LRRC2: variants seen among roughly 807,000 people sequenced by gnomAD.
The protein encoded by LRRC2 is leucine-rich repeat-containing protein 2.
LRRC2 carries 27 observed loss-of-function variants against 40.2 expected under a neutral mutation model. The observed-to-expected ratio is 0.67, with a 90% CI of 0.49 to 0.93. The LOEUF is 0.93. LRRC2 is among the 40% of genes least tolerant of loss of function. The pLI, the probability that LRRC2 is intolerant of heterozygous loss-of-function variation, is 0.00. For synonymous variants in LRRC2, 147 were observed against 158.9 expected, an observed-to-expected ratio of 0.92 and a Z score of 0.56; for missense variants, 402 against 439.6, an observed-to-expected ratio of 0.91 and a Z score of 0.76.
At chr3:46,555,564 A>G (rs921126851) in intron 1 of LRRC2, among the ~76,000 whole-genome samples, 1 of 152,044 alleles carries the variant, frequency 6.6e-6, no homozygotes, top group Non-Finnish European at 1.5e-5. Flanking sequence ...ATTATTATAC[A>G]TACTTACTTT....
At position 46,551,476 on chromosome 3, in the gene LRRC2, G is replaced by A. The variant is rs1262617336; in HGVS notation, c.116C>T (p.Ala39Val). 3.7e-6 allele frequency: 6 copies of A among 1,612,628 alleles called. 1 individual carries two copies. In the South Asian group the frequency reaches 5.5e-5, roughly 15 times the overall value. Residue 39 changes from alanine to valine, a missense_variant, in exon 2 of 9, where the codon GCC (alanine) becomes GTC (valine). Transcript: ENST00000395905. The part of the protein sequence containing the change: ...KKEVERLEKS[A>V]LEKIKEEWNF... ...TTGAGAAAACACGTACTTCTCCAAG[G>A]CGCTCTTCTCAAGCCTTTCCACCTC...
intron 7 of LRRC2, among the ~76,000 whole-genome samples, chr3:46,523,054 C>T (rs1258322499): frequency 6.6e-6 from 1 of 151,932 alleles, no homozygotes; most frequent in Non-Finnish European, 1.5e-5. Context: ...TATATATTTC[C>T]CACTTCATTT....
intron 1 of LRRC2, among the ~76,000 whole-genome samples, chr3:46,565,345 G>A (rs1438636565): frequency 5.3e-5 from 8 of 152,196 alleles, no homozygotes; most frequent in African/African-American, 1.9e-4. Flanking sequence ...TGAGCTCACA[G>A]GTTGGCGAGA....
Position 46,534,225 on chromosome 3 carries a change from G to A in LRRC2, c.491-1316C>T, listed in dbSNP as rs115419556. Among the ~76,000 whole-genome samples the A allele has an allele frequency of 5.4e-3, 823 of 152,154 alleles. 8 individuals are homozygous for A. Among genetic ancestry groups the A allele is most frequent in the African/African-American group, 0.018 (765 of 41,490 alleles). ...AGTTTGGTGAGAATGATGGCTTCCA[G>A]CATCATCCATGTCTCTGCAAAGGAC... is the stretch of plus-strand genomic sequence containing the variant. On this transcript the variant is annotated intron_variant, in intron 4 of 8. Transcript: ENST00000395905.
chr3:46,532,465 C>T (rs540345104), intron 5 of LRRC2, among the ~76,000 whole-genome samples: 2 of 152,148 alleles, frequency 1.3e-5, no homozygotes, highest in South Asian at 4.2e-4. Flanking sequence ...ATTAGCCAGA[C>T]GTGGTGGTGT....
At chr3:46,524,235 C>T (rs1439930596) in intron 7 of LRRC2, among the ~76,000 whole-genome samples, 1 of 152,186 alleles carries the variant, frequency 6.6e-6, no homozygotes, top group Non-Finnish European at 1.5e-5. Context: ...ACCGGCCTCA[C>T]TGTGGGTGAT....
chr3:46,556,683 A>G (rs1704805883), intron 1 of LRRC2, among the ~76,000 whole-genome samples: 1 of 150,838 alleles, frequency 6.6e-6, no homozygotes, highest in South Asian at 2.1e-4. Flanking sequence ...GGTTCAAGCA[A>G]TTCTCCTGCC....
At chr3:46,562,527 TA>T (rs1473670870) in intron 1 of LRRC2, among the ~76,000 whole-genome samples, 1 of 152,210 alleles carries the variant, frequency 6.6e-6, no homozygotes, top group African/African-American at 2.4e-5. Flanking sequence ...AAAGACACTT[TA>T]AAAATCAGTC....
chr3:46,551,471 C>G lies in LRRC2; in HGVS notation c.121G>C (p.Glu41Gln). ...CTAGGTTGAGAAAACACGTACTTCT[C>G]CAAGGCGCTCTTCTCAAGCCTTTCC... The part of the protein sequence containing the change: ...EVERLEKSAL[E>Q]KIKEEWNFVA... The change falls in exon 2 of 9, where the codon GAG (glutamate) becomes CAG (glutamine). Residue 41 changes from glutamate (E) to glutamine (Q), a missense_variant. Physicochemically the swap from Glu to Gln is conservative, Grantham distance 29 (BLOSUM62 2). Coordinates refer to ENST00000395905, the MANE Select transcript of LRRC2 (RefSeq NM_024512.5). 6.2e-7 allele frequency: 1 copy of G among 1,612,580 alleles called. No homozygotes were observed. The highest frequency in any genetic ancestry group is 8.5e-7 in the Non-Finnish European group (1 of 1,179,476).
Position 46,518,915 on chromosome 3 carries a change from G to C in LRRC2, c.*99C>G. The C allele has an allele frequency of 2.3e-6, 2 of 869,874 alleles. No individual in the cohort carries two copies. The highest frequency in any genetic ancestry group is 2.4e-5 in the East Asian group (1 of 41,074). 53.9% of individuals were successfully genotyped at this position (869,874 alleles called of 1,614,324 possible). A position where few individuals can be genotyped will look rare whatever the true frequency, so the allele number is the denominator to read the frequency against. ...ACTATGATAGTGGTTTCTAGACTTT[G>C]TCCTTAAGCACAAGCCATTCTTCCT... is the stretch of plus-strand genomic sequence containing the variant. On this transcript the variant is annotated 3_prime_UTR_variant, in exon 9 of 9. Transcript: ENST00000395905.
At chr3:46,565,626 C>T (rs1705040797) in intron 1 of LRRC2, among the ~76,000 whole-genome samples, 1 of 152,160 alleles carries the variant, frequency 6.6e-6, no homozygotes, top group Admixed American at 6.5e-5. Context: ...GAGCTAGCAA[C>T]AGGGCAGAGC....
Position 46,518,924 on chromosome 3 carries a change from C to A in LRRC2, c.*90G>T. On this transcript the variant is annotated 3_prime_UTR_variant, in exon 9 of 9. Coordinates refer to ENST00000395905, the MANE Select transcript of LRRC2 (RefSeq NM_024512.5). ...GTGGTTTCTAGACTTTGTCCTTAAG[C>A]ACAAGCCATTCTTCCTATATGACAT... 3.1e-6 allele frequency: 3 copies of A among 952,716 alleles called. No homozygotes were observed. The East Asian group carries it at 7.2e-5, about 23-fold the overall frequency. 59.0% of individuals were successfully genotyped at this position (952,716 alleles called of 1,614,324 possible).
intron 1 of LRRC2, among the ~76,000 whole-genome samples, chr3:46,556,796 C>T (rs1304574062): frequency 5.3e-5 from 8 of 151,914 alleles, no homozygotes; most frequent in African/African-American, 1.7e-4. Flanking sequence ...TCAGGTTGGT[C>T]TCGAATTTCT....
At chr3:46,565,908 G>C (rs1705048966) in intron 1 of LRRC2, among the ~76,000 whole-genome samples, 1 of 152,192 alleles carries the variant, frequency 6.6e-6, no homozygotes, top group Admixed American at 6.5e-5. Flanking sequence ...AGATTCACTC[G>C]CGGGGACCCC....
At chr3:46,556,841 T>C (rs1704811637) in intron 1 of LRRC2, among the ~76,000 whole-genome samples, 1 of 152,178 alleles carries the variant, frequency 6.6e-6, no homozygotes, top group South Asian at 2.1e-4. Flanking sequence ...CCTCCCAAAG[T>C]GCTAGGATTA....
At chr3:46,550,919 T>C (rs1263256995) in intron 2 of LRRC2, among the ~76,000 whole-genome samples, 1 of 152,240 alleles carries the variant, frequency 6.6e-6, no homozygotes, top group Non-Finnish European at 1.5e-5. Context: ...TTCTACCTTG[T>C]AGATTTTCCA....
intron 1 of LRRC2, among the ~76,000 whole-genome samples, chr3:46,565,860 C>T (rs970927536): frequency 7.9e-5 from 12 of 152,202 alleles, no homozygotes; most frequent in African/African-American, 2.7e-4. Flanking sequence ...CCTTGGGCGC[C>T]GGAGCAGTAC....
At chr3:46,544,979 C>G in intron 3 of LRRC2, 67 bp downstream of exon 3, 4 of 1,444,764 alleles carry the variant, frequency 2.8e-6, no homozygotes, top group South Asian at 1.2e-5. Flanking sequence ...TTCATTCATC[C>G]TTGGGCTCAG....
At chr3:46,559,934 C>A (rs114567697) in intron 1 of LRRC2, among the ~76,000 whole-genome samples, 3 of 152,114 alleles carry the variant, frequency 2.0e-5, no homozygotes, top group Non-Finnish European at 4.4e-5. Flanking sequence ...CAGCATCTTG[C>A]GAAGTTTTGT....
Sources: allele counts gnomAD v4.1 joint callset (sites outside exome capture counted in the v4.1 genomes callset), GRCh38; gene constraint gnomAD v4.1.1; transcripts MANE v1.5; gene names NCBI Gene and HGNC (gene_info 2026-07-23, HGNC 2026-07-21).